Variants in GRK5 observed in about 807,000 individuals in gnomAD.
GRK5 encodes the protein g protein-coupled receptor kinase GRK5.
GRK5 carries 40 observed loss-of-function variants against 78.4 expected under a neutral mutation model. That is an observed-to-expected ratio of 0.51 (90% CI 0.40 to 0.66). The LOEUF is 0.66. GRK5 is among the 30% of genes least tolerant of loss of function. The probability of loss-of-function intolerance (pLI) is 0.00; values close to 1 mark genes in which losing one functional copy is unlikely to be tolerated. For missense variants in GRK5, 598 were observed against 759.9 expected (o/e 0.79, Z 2.50); for synonymous variants, 289 against 296.8 (o/e 0.97, Z 0.27).
intron 2 of GRK5, among the ~76,000 whole-genome samples, chr10:119,342,048 C>T (rs1850992121): frequency 2.0e-5 from 3 of 151,952 alleles, no homozygotes; most frequent in Admixed American, 6.6e-5. Context: ...ACCGGCACAG[C>T]TGTCATGTCA....
chr10:119,333,463 CAG>C (rs58167967), intron 2 of GRK5: 11,265 of 235,436 alleles, frequency 0.048, 455 homozygotes, highest in East Asian at 0.2. Context: ...ATCCTTAGCT[CAG>C]GGGACTGGAG....
At chr10:119,340,740 C>G (rs569984969) in intron 2 of GRK5, among the ~76,000 whole-genome samples, 2 of 152,182 alleles carry the variant, frequency 1.3e-5, no homozygotes, top group Non-Finnish European at 2.9e-5. Flanking sequence ...GTCCTGTGGC[C>G]TTGGGAAAGC....
chr10:119,454,971 T>C lies in GRK5; in HGVS notation c.1677T>C (p.His559=), dbSNP rs1284476256. ...GTCTCCCCCAACCCCAACCCCAGCA[T>C]CAGAACAATTCCAAGAGTTCGCCCA... ...GLLQRLFKRQ[H]QNNSKSSPSS... The change falls in exon 16 of 16, where the codon CAT becomes CAC. Residue 559 remains histidine, a splice_region_variant and synonymous_variant. Coordinates refer to ENST00000392870, the MANE Select transcript of GRK5 (RefSeq NM_005308.3). 1 of 1,600,510 alleles carries C rather than the reference T, an allele frequency of 6.2e-7. No homozygotes were observed. Among genetic ancestry groups the C allele is most frequent in the Admixed American group, 1.7e-5 (1 of 59,990 alleles).
intron 1 of GRK5, among the ~76,000 whole-genome samples, chr10:119,236,713 T>C (rs1230810203): frequency 6.6e-6 from 1 of 151,574 alleles, no homozygotes; most frequent in Non-Finnish European, 1.5e-5. Flanking sequence ...GATCTTGGCT[T>C]ACTGCAACCT....
At chr10:119,234,253 T>C (rs1848881169) in intron 1 of GRK5, among the ~76,000 whole-genome samples, 1 of 152,224 alleles carries the variant, frequency 6.6e-6, no homozygotes, top group Admixed American at 6.5e-5. Flanking sequence ...AAGGTCACAG[T>C]TGTTGATGGA....
chr10:119,418,479 G>A (rs1034184995), intron 4 of GRK5, among the ~76,000 whole-genome samples: 1 of 152,202 alleles, frequency 6.6e-6, no homozygotes, highest in East Asian at 1.9e-4. Context: ...CTACACAGCT[G>A]TGTCCCCAGG....
At chr10:119,276,318 T>C (rs2133682405) in intron 1 of GRK5, among the ~76,000 whole-genome samples, 1 of 152,302 alleles carries the variant, frequency 6.6e-6, no homozygotes, top group East Asian at 1.9e-4. Flanking sequence ...TTCTCATTGT[T>C]CAATTCCCAC....
intron 1 of GRK5, among the ~76,000 whole-genome samples, chr10:119,213,962 C>T: frequency 9.2e-6 from 1 of 108,618 alleles, no homozygotes; most frequent in East Asian, 3.5e-4. Context: ...TCTCTTTTTA[C>T]ATGTTTTTTT....
intron 2 of GRK5, among the ~76,000 whole-genome samples, chr10:119,372,525 A>T (rs1589770416): frequency 6.6e-6 from 1 of 152,210 alleles, no homozygotes; most frequent in Admixed American, 6.5e-5. Context: ...ATTGCAAGGG[A>T]CTGAAACCCA....
At chr10:119,211,391 T>C (rs1326354431) in intron 1 of GRK5, 1 of 152,188 alleles carries the variant, frequency 6.6e-6, no homozygotes, top group Non-Finnish European at 1.5e-5. Flanking sequence ...GAAATAATAA[T>C]GAGAAGGAGA....
chr10:119,259,065 CTTTTTTTT>C lies in GRK5; in HGVS notation c.52+51106_52+51113del, dbSNP rs397950981. ...TCCATGACACTCCCTCTTTCTTTTT[CTTTTTTTT>C]TTTTTTTTTGAGACAGAGTCTCGCT... On this transcript the variant is annotated intron_variant, in intron 1 of 15. Coordinates refer to ENST00000392870, the MANE Select transcript of GRK5 (RefSeq NM_005308.3). Among the ~76,000 whole-genome samples the C allele has an allele frequency of 2.3e-5, 3 of 130,196 alleles. 1 individual carries two copies. Among genetic ancestry groups the C allele is most frequent in the Non-Finnish European group, 3.2e-5 (2 of 63,134 alleles). 85.4% of individuals were successfully genotyped at this position (130,196 alleles called of 152,430 possible). A position where few individuals can be genotyped will look rare whatever the true frequency, so the allele number is the denominator to read the frequency against.
rs116234325 is a variant in GRK5, at chr10:119,314,093, C to T, written c.53-12423C>T. The stretch of plus-strand genomic sequence containing the variant: ...GAACTGTGTCTTTGCTCCCCAGTTC[C>T]GCTCCTGTAGAGGACAGAGCCACTG... On this transcript the variant is annotated intron_variant, in intron 1 of 15. Transcript: ENST00000392870. Among the ~76,000 whole-genome samples the T allele has an allele frequency of 7.9e-3, 1,209 of 152,326 alleles. 24 individuals carry two copies. The highest frequency in any genetic ancestry group is 0.028 in the African/African-American group (1,144 of 41,572).
chr10:119,247,804 T>C lies in GRK5; in HGVS notation c.52+39835T>C, dbSNP rs758057262. ...TGTAACTAGTACCTCAATCATTTTCTTTTATGATACACATAATAGAAGGAT... is the reference window on the plus strand; with the variant it reads ...TGTAACTAGTACCTCAATCATTTTCCTTTATGATACACATAATAGAAGGAT... On this transcript the variant is annotated intron_variant, in intron 1 of 15. Coordinates refer to ENST00000392870, the MANE Select transcript of GRK5 (RefSeq NM_005308.3). Among the ~76,000 whole-genome samples, 54 of 152,214 alleles carry C rather than the reference T, an allele frequency of 3.5e-4. 1 individual carries two copies. Among genetic ancestry groups the C allele is most frequent in the Admixed American group, 1.0e-3 (16 of 15,280 alleles).
chr10:119,435,943 C>T (rs901767785), intron 8 of GRK5, among the ~76,000 whole-genome samples: 1 of 152,292 alleles, frequency 6.6e-6, no homozygotes, highest in Non-Finnish European at 1.5e-5. Context: ...TCTTACATGG[C>T]GGTAGCAAGA....
intron 1 of GRK5, among the ~76,000 whole-genome samples, chr10:119,279,121 C>T (rs1013372884): frequency 6.6e-6 from 1 of 152,088 alleles, no homozygotes; most frequent in Non-Finnish European, 1.5e-5. Flanking sequence ...ACCTCGTGAT[C>T]CACCCGCCTT....
At chr10:119,295,948 A>T (rs1336763186) in intron 1 of GRK5, among the ~76,000 whole-genome samples, 2 of 152,180 alleles carry the variant, frequency 1.3e-5, no homozygotes, top group East Asian at 1.9e-4. Context: ...AAAATATTTT[A>T]AAAATAATAA....
intron 1 of GRK5, among the ~76,000 whole-genome samples, chr10:119,278,221 C>T (rs1849699931): frequency 6.6e-6 from 1 of 152,096 alleles, no homozygotes; most frequent in African/African-American, 2.4e-5. Context: ...GTCTAATGGC[C>T]CTGAGCGATG....
intron 9 of GRK5, among the ~76,000 whole-genome samples, chr10:119,438,741 C>T (rs1320803890): frequency 6.6e-6 from 1 of 152,264 alleles, no homozygotes; most frequent in Non-Finnish European, 1.5e-5. Flanking sequence ...AGCTGCCATG[C>T]TAGCCTGGTG....
chr10:119,367,372 C>A (rs1851466109), intron 2 of GRK5, among the ~76,000 whole-genome samples: 1 of 152,180 alleles, frequency 6.6e-6, no homozygotes. Flanking sequence ...GGACACGAAG[C>A]CTAGCCCTTC....
Sources: gnomAD v4.1 joint callset for allele counts (sites outside exome capture counted in the v4.1 genomes callset) on GRCh38, gnomAD v4.1.1 for gene constraint, MANE v1.5 for transcripts, NCBI Gene and HGNC (gene_info 2026-07-23, HGNC 2026-07-21) for gene names.